USP30: variants seen among roughly 807,000 people sequenced by gnomAD.
The protein encoded by USP30 is ubiquitin specific peptidase 30.
A neutral mutation model predicts 68.2 loss-of-function variants in USP30; 41 were observed. The observed-to-expected ratio is 0.60, with a 90% CI of 0.47 to 0.78. The LOEUF is 0.78. USP30 is among the 30% of genes least tolerant of loss of function. The pLI is 0.00. For missense variants in USP30, 522 were observed against 649.4 expected (o/e 0.80, Z 2.13); for synonymous variants, 229 against 253.7 (o/e 0.90, Z 0.93).
chr12:109,083,087 C>G, intron 11 of USP30, 25 bp downstream of exon 11: 1 of 1,561,892 alleles, frequency 6.4e-7, no homozygotes, highest in South Asian at 1.2e-5. Context: ...GGAGCCGATG[C>G]AGCAGGAATT....
intron 3 of USP30, among the ~76,000 whole-genome samples, chr12:109,038,129 C>G (rs1378995201): frequency 6.6e-6 from 1 of 151,924 alleles, no homozygotes; most frequent in African/African-American, 2.4e-5. Flanking sequence ...GTATTTAGCC[C>G]AACATTCATG....
chr12:109,068,820 G>A (rs905454710), intron 4 of USP30, among the ~76,000 whole-genome samples: 2 of 152,186 alleles, frequency 1.3e-5, no homozygotes, highest in Admixed American at 1.3e-4. Context: ...AGGTGAACAC[G>A]TCTGTCCGGT....
rs555332935 is a variant in USP30 at position 109,057,130 on chromosome 12, C to G, written c.193+339C>G. On this transcript the variant is annotated intron_variant, in intron 2 of 12. Coordinates refer to ENST00000257548, the MANE Select transcript of USP30 (RefSeq NM_032663.5). ...CAATTACATCATACATTTGTGTTCT[C>G]TCAGACTAGCTTGCTAGTAACTGGT... 2.0e-5 allele frequency among the ~76,000 whole-genome samples: 3 copies of G among 152,172 alleles called. No individual in the cohort carries two copies. The South Asian group carries it at 6.2e-4, about 32-fold the overall frequency.
intron 3 of USP30, among the ~76,000 whole-genome samples, chr12:109,067,287 T>A (rs1004163777): frequency 3.3e-5 from 5 of 151,730 alleles, no homozygotes; most frequent in Non-Finnish European, 7.4e-5. Context: ...CTAATTTTTT[T>A]TTTTTATTTT....
intron 3 of USP30, among the ~76,000 whole-genome samples, chr12:109,043,987 T>C (rs925370331): frequency 6.6e-6 from 1 of 151,690 alleles, no homozygotes; most frequent in Non-Finnish European, 1.5e-5. Flanking sequence ...AACAAAAGAG[T>C]GGATAAGCAG....
At chr12:109,058,260 A>G (rs2040939997) in intron 3 of USP30, 152 bp downstream of exon 3, 3 of 907,322 alleles carry the variant, frequency 3.3e-6, no homozygotes, top group Non-Finnish European at 3.2e-6. Context: ...ATAGATACAA[A>G]CAAGTATTTT....
chr12:109,039,874 G>A (rs564369765), intron 3 of USP30, among the ~76,000 whole-genome samples: 1 of 152,272 alleles, frequency 6.6e-6, no homozygotes, highest in African/African-American at 2.4e-5. Context: ...CTCCCAAAGT[G>A]CTGGGATTAC....
intron 3 of USP30, among the ~76,000 whole-genome samples, chr12:109,039,812 T>C (rs922639328): frequency 7.2e-5 from 11 of 152,184 alleles, no homozygotes; most frequent in African/African-American, 2.7e-4. Flanking sequence ...GGTTTCACCA[T>C]GTTGGCCAGG....
At chr12:109,044,489 C>T (rs1036919572) in intron 3 of USP30, among the ~76,000 whole-genome samples, 3 of 151,592 alleles carry the variant, frequency 2.0e-5, no homozygotes, top group Non-Finnish European at 2.9e-5. Flanking sequence ...AAAGAAAAAT[C>T]AGCCAGGCAC....
intron 2 of USP30, among the ~76,000 whole-genome samples, chr12:109,026,369 C>T (rs1375320826): frequency 6.6e-6 from 1 of 152,004 alleles, no homozygotes; most frequent in African/African-American, 2.4e-5. Context: ...GCCACCAGAC[C>T]TGGCCTAAAA....
chr12:109,057,855 G>T lies in USP30; in HGVS notation c.194-71G>T, dbSNP rs972689100. ...TTTAAGGCCACAGCGCAGGAACTCT[G>T]GGTCCCACATGGGAGAGAAATTGAT... On this transcript the variant is annotated intron_variant, in intron 2 of 12. Transcript: ENST00000257548. The T allele has an allele frequency of 4.0e-6, 6 of 1,503,086 alleles. No individual in the cohort carries two copies. The African/African-American group carries it at 8.4e-5, about 21-fold the overall frequency. 93.1% of individuals were successfully genotyped at this position (1,503,086 alleles called of 1,614,324 possible).
At position 109,067,573 on chromosome 12, in the gene USP30, C is replaced by T; in HGVS notation, c.426C>T (p.Cys142=). The change falls in exon 4 of 13, where the codon TGC becomes TGT. Residue 142 remains cysteine (C), a synonymous_variant. Coordinates refer to ENST00000257548, the MANE Select transcript of USP30 (RefSeq NM_032663.5). The stretch of plus-strand genomic sequence containing the variant: ...ATGATGAGGTCTTAGATGCAAGCTG[C>T]TTGTTGGATGTCTTAAGAATGTACA... The part of the protein sequence containing the change: ...VTDDEVLDAS[C]LLDVLRMYRW... The T allele has an allele frequency of 1.2e-6, 2 of 1,614,176 alleles. No homozygotes were observed. The highest frequency in any genetic ancestry group is 1.7e-6 in the Non-Finnish European group (2 of 1,180,028).
intron 4 of USP30, among the ~76,000 whole-genome samples, chr12:109,068,433 C>T (rs893200590): frequency 6.6e-6 from 1 of 152,214 alleles, no homozygotes; most frequent in Non-Finnish European, 1.5e-5. Context: ...TCTAGCACCC[C>T]TTATTTTTAA....
intron 1 of USP30, among the ~76,000 whole-genome samples, chr12:109,024,611 C>G (rs1327173875): frequency 6.6e-6 from 1 of 151,506 alleles, no homozygotes; most frequent in African/African-American, 2.4e-5. Context: ...ACCTAGAGAA[C>G]TGGTAAAGCA....
At chr12:109,084,551 T>C (rs148133362) in intron 11 of USP30, among the ~76,000 whole-genome samples, 2 of 152,230 alleles carry the variant, frequency 1.3e-5, no homozygotes, top group African/African-American at 4.8e-5. Context: ...CTGTTCAACA[T>C]CCTCTAATGC....
rs1340459476 is a variant in USP30 at position 109,085,977 on chromosome 12, T to C, written c.*46T>C. The C allele has an allele frequency of 6.3e-7, 1 of 1,580,194 alleles. No homozygotes were observed. Among genetic ancestry groups the C allele is most frequent in the Non-Finnish European group, 8.6e-7 (1 of 1,160,732 alleles). ...AGAGCTGATGGCACTGTCTGCACTG[T>C]CCAGGAAAAAAGTAAAACTGTACTG... On this transcript the variant is annotated 3_prime_UTR_variant, in exon 13 of 13. Transcript: ENST00000257548.
intron 3 of USP30, among the ~76,000 whole-genome samples, chr12:109,039,434 G>T (rs911339067): frequency 6.6e-6 from 1 of 152,110 alleles, no homozygotes; most frequent in Admixed American, 6.6e-5. Flanking sequence ...TTTGACCTTA[G>T]ATAAAGTTCC....
intron 2 of USP30, 56 bp downstream of exon 2, chr12:109,056,847 C>T (rs2040893246): frequency 7.9e-7 from 1 of 1,273,710 alleles, no homozygotes; most frequent in South Asian, 1.4e-5. Flanking sequence ...TCCCTGTTAT[C>T]TGAAAACAGT....
intron 3 of USP30, 52 bp downstream of exon 3, chr12:109,058,160 G>T (rs766477757): frequency 3.3e-5 from 51 of 1,525,600 alleles, no homozygotes; most frequent in Non-Finnish European, 4.1e-5. Flanking sequence ...AAGAAGTCCA[G>T]ATGACAGAGA....
Sources: gnomAD v4.1 joint callset for allele counts (sites outside exome capture counted in the v4.1 genomes callset) on GRCh38, gnomAD v4.1.1 for gene constraint, MANE v1.5 for transcripts, NCBI Gene and HGNC (gene_info 2026-07-23, HGNC 2026-07-21) for gene names.